PLEKHG1: variants seen among roughly 807,000 people sequenced by gnomAD.
The protein encoded by PLEKHG1 is pleckstrin homology and RhoGEF domain containing G1.
A neutral mutation model predicts 100.8 loss-of-function variants in PLEKHG1; 44 were observed. The observed-to-expected ratio is 0.44, with a 90% CI of 0.34 to 0.56. PLEKHG1 has a LOEUF of 0.56. Among genes scored for constraint, PLEKHG1 ranks in the 20% least tolerant of loss-of-function variants. The probability of loss-of-function intolerance (pLI) is 0.01; values close to 1 mark genes in which losing one functional copy is unlikely to be tolerated. For missense variants in PLEKHG1, 1,545 were observed against 1,720.9 expected (o/e 0.90, Z 1.81); for synonymous variants, 640 against 662.5 (o/e 0.97, Z 0.52).
chr6:150,622,158 G>C (rs117218973), intron 1 of PLEKHG1, among the ~76,000 whole-genome samples: 2 of 152,308 alleles, frequency 1.3e-5, no homozygotes, highest in African/African-American at 2.4e-5. Context: ...CTATCATGCT[G>C]TGGGGTCTCA....
intron 1 of PLEKHG1, among the ~76,000 whole-genome samples, chr6:150,635,401 A>G (rs1048940458): frequency 1.8e-4 from 28 of 152,184 alleles, no homozygotes; most frequent in African/African-American, 6.8e-4. Context: ...TTAGGAGTGT[A>G]GTTCTGTTGT....
chr6:150,691,855 G>A (rs1376259090), intron 3 of PLEKHG1, among the ~76,000 whole-genome samples: 1 of 152,244 alleles, frequency 6.6e-6, no homozygotes, highest in African/African-American at 2.4e-5. Flanking sequence ...CTGAGGACTT[G>A]GGAAAAGTTT....
chr6:150,629,987 A>G (rs1451069360), intron 1 of PLEKHG1, among the ~76,000 whole-genome samples: 1 of 152,212 alleles, frequency 6.6e-6, no homozygotes, highest in Non-Finnish European at 1.5e-5. Context: ...AGTTAAAGAT[A>G]TTTATCTGGG....
intron 4 of PLEKHG1, among the ~76,000 whole-genome samples, chr6:150,789,265 G>A (rs1477388017): frequency 6.6e-6 from 1 of 152,222 alleles, no homozygotes; most frequent in African/African-American, 2.4e-5. Context: ...AGAACTAGAA[G>A]GAAATATCTT....
At chr6:150,755,358 T>C (rs189331593) in intron 2 of PLEKHG1, among the ~76,000 whole-genome samples, 4 of 152,372 alleles carry the variant, frequency 2.6e-5, no homozygotes, top group Non-Finnish European at 5.9e-5. Flanking sequence ...AGTAATAAGC[T>C]GCTTAAGTAA....
chr6:150,840,022 C>A, exon 16 of PLEKHG1: 1 of 1,614,122 alleles, frequency 6.2e-7, no homozygotes, highest in Non-Finnish European at 8.5e-7. Flanking sequence ...GGAGAGTTAG[C>A]AGATTTCTGT....
intron 2 of PLEKHG1, among the ~76,000 whole-genome samples, chr6:150,744,881 G>A (rs897896665): frequency 6.6e-5 from 10 of 152,200 alleles, no homozygotes; most frequent in South Asian, 2.1e-4. Context: ...ATTCTTCCCC[G>A]GTTGCAAGAA....
chr6:150,763,836 TG>T (rs1423667260), intron 2 of PLEKHG1, among the ~76,000 whole-genome samples: 1 of 152,210 alleles, frequency 6.6e-6, no homozygotes, highest in African/African-American at 2.4e-5. Flanking sequence ...GCATCCTTCC[TG>T]GGAGCTGGTG....
chr6:150,835,214 G>T (rs1028749479), intron 15 of PLEKHG1, among the ~76,000 whole-genome samples: 5 of 152,248 alleles, frequency 3.3e-5, no homozygotes, highest in African/African-American at 9.6e-5. Context: ...GTCATAGCAT[G>T]CTGGCCATCT....
chr6:150,721,795 A>G (rs1781686046), intron 1 of PLEKHG1, among the ~76,000 whole-genome samples: 1 of 152,190 alleles, frequency 6.6e-6, no homozygotes, highest in East Asian at 1.9e-4. Context: ...ATTGTATTCA[A>G]TGCCGTTGTC....
At chr6:150,605,255 A>G (rs1389307522) in intron 1 of PLEKHG1, among the ~76,000 whole-genome samples, 2 of 152,246 alleles carry the variant, frequency 1.3e-5, no homozygotes, top group African/African-American at 2.4e-5. Flanking sequence ...AACCAGCCAG[A>G]GAATCAAGCA....
chr6:150,828,567 T>A (rs544475669), intron 14 of PLEKHG1, among the ~76,000 whole-genome samples: 1 of 152,208 alleles, frequency 6.6e-6, no homozygotes, highest in South Asian at 2.1e-4. Context: ...CTCTTTTTTT[T>A]AAATTATAGT....
At chr6:150,616,549 A>G (rs1777079830) in intron 1 of PLEKHG1, among the ~76,000 whole-genome samples, 1 of 152,248 alleles carries the variant, frequency 6.6e-6, no homozygotes, top group Non-Finnish European at 1.5e-5. Flanking sequence ...CATATTTAAA[A>G]TGTTCAACTT....
intron 4 of PLEKHG1, among the ~76,000 whole-genome samples, chr6:150,794,317 G>A (rs1276526019): frequency 6.6e-6 from 1 of 152,178 alleles, no homozygotes; most frequent in Admixed American, 6.5e-5. Context: ...AGTGACTGGT[G>A]AAACTTCATG....
chr6:150,689,658 T>C (rs544752598), intron 3 of PLEKHG1, among the ~76,000 whole-genome samples: 2 of 151,628 alleles, frequency 1.3e-5, no homozygotes, highest in South Asian at 4.2e-4. Context: ...AGGTCAGGAG[T>C]TCGAGACCAG....
intron 1 of PLEKHG1, among the ~76,000 whole-genome samples, chr6:150,724,786 C>T (rs893507004): frequency 6.6e-6 from 1 of 152,136 alleles, no homozygotes; most frequent in Non-Finnish European, 1.5e-5. Flanking sequence ...GTCTCAAACT[C>T]CTGACCTCAG....
chr6:150,723,178 A>G (rs537065834), intron 1 of PLEKHG1, among the ~76,000 whole-genome samples: 1 of 152,204 alleles, frequency 6.6e-6, no homozygotes, highest in East Asian at 1.9e-4. Flanking sequence ...AGACTTGGAG[A>G]AGTCACCTAG....
chr6:150,842,556 A>G (rs1777571073), exon 16 of PLEKHG1: 1 of 152,138 alleles, frequency 6.6e-6, no homozygotes, highest in African/African-American at 2.4e-5. Context: ...TGCTTCTCCA[A>G]AGTATTCTTC....
At chr6:150,748,660 C>G (rs1369974822) in intron 2 of PLEKHG1, among the ~76,000 whole-genome samples, 1 of 143,558 alleles carries the variant, frequency 7.0e-6, no homozygotes, top group East Asian at 2.1e-4. Flanking sequence ...GCTCTGTCAC[C>G]TAGGCTGGAG....
Sources: allele counts gnomAD v4.1 joint callset (sites outside exome capture counted in the v4.1 genomes callset), GRCh38; gene constraint gnomAD v4.1.1; transcripts MANE v1.5; gene names NCBI Gene and HGNC (gene_info 2026-07-23, HGNC 2026-07-21).